The following TYW1 variants were observed in gnomAD, a reference collection of about 807,000 sequenced individuals.
TYW1 encodes the protein tRNA-yW synthesizing protein 1 homolog.
TYW1 carries 46 observed loss-of-function variants against 96.2 expected under a neutral mutation model. The observed-to-expected ratio is 0.48, with a 90% CI of 0.38 to 0.61. The LOEUF is 0.61. TYW1 is among the 20% of genes least tolerant of loss of function. TYW1 has a pLI of 0.00. For synonymous variants in TYW1, 274 were observed against 323.0 expected (o/e 0.85, Z 1.63); for missense variants, 684 against 909.6 (o/e 0.75, Z 3.19).
intron 3 of TYW1, among the ~76,000 whole-genome samples, chr7:67,005,401 A>G (rs1171343352): frequency 6.6e-6 from 1 of 152,136 alleles, no homozygotes; most frequent in African/African-American, 2.4e-5. Flanking sequence ...TTTGAGACCA[A>G]CCTGTGCAAC....
At chr7:67,128,981 G>T (rs562599664) in intron 13 of TYW1, among the ~76,000 whole-genome samples, 9 of 152,122 alleles carry the variant, frequency 5.9e-5, no homozygotes, top group Non-Finnish European at 1.0e-4. Flanking sequence ...GAGCCACCGC[G>T]CCCAGTCTAG....
At chr7:67,160,219 A>C (rs1236526459) in intron 13 of TYW1, among the ~76,000 whole-genome samples, 1 of 152,090 alleles carries the variant, frequency 6.6e-6, no homozygotes, top group Non-Finnish European at 1.5e-5. Context: ...CTGTGATTGC[A>C]CCACTGCACT....
At chr7:67,047,440 A>G (rs1443730600) in intron 7 of TYW1, among the ~76,000 whole-genome samples, 2 of 152,206 alleles carry the variant, frequency 1.3e-5, no homozygotes, top group South Asian at 2.1e-4. Context: ...TTTTATTTGT[A>G]TAAAAGGCCT....
At chr7:67,095,833 CT>C (rs1451306940) in intron 11 of TYW1, among the ~76,000 whole-genome samples, 1 of 152,078 alleles carries the variant, frequency 6.6e-6, no homozygotes, top group Non-Finnish European at 1.5e-5. Context: ...AATAAAATCA[CT>C]TTCTGAAAAC....
intron 13 of TYW1, among the ~76,000 whole-genome samples, chr7:67,144,852 A>G (rs918332896): frequency 3.9e-5 from 6 of 152,118 alleles, no homozygotes; most frequent in African/African-American, 1.4e-4. Context: ...TACAAAGGCA[A>G]CATTTATATT....
intron 13 of TYW1, among the ~76,000 whole-genome samples, chr7:67,128,838 G>A (rs1304294402): frequency 1.4e-4 from 21 of 151,916 alleles, no homozygotes; most frequent in Middle Eastern, 3.4e-3. Context: ...ACAGGCACCC[G>A]CCACCATGCT....
At chr7:67,171,352 C>T (rs1409659297) in intron 13 of TYW1, among the ~76,000 whole-genome samples, 2 of 151,974 alleles carry the variant, frequency 1.3e-5, no homozygotes, top group African/African-American at 2.4e-5. Flanking sequence ...CTTTGTCTCC[C>T]GAGTTGTTTT....
chr7:67,029,429 A>ATG (rs1794597765), intron 7 of TYW1, among the ~76,000 whole-genome samples: 2 of 146,470 alleles, frequency 1.4e-5, no homozygotes, highest in Non-Finnish European at 3.0e-5. Flanking sequence ...ATATATATAT[A>ATG]TATAAATAGT....
chr7:67,211,332 G>A (rs528816596), intron 15 of TYW1, among the ~76,000 whole-genome samples: 1 of 152,286 alleles, frequency 6.6e-6, no homozygotes, highest in South Asian at 2.1e-4. Context: ...GAAACTGTAC[G>A]TATGCTGCCA....
intron 15 of TYW1, among the ~76,000 whole-genome samples, chr7:67,226,228 A>AT (rs1461646256): frequency 6.6e-6 from 1 of 152,174 alleles, no homozygotes; most frequent in Admixed American, 6.6e-5. Flanking sequence ...TAAAACAAAG[A>AT]TGATAATAGC....
At chr7:67,059,291 G>A (rs1330792276) in intron 9 of TYW1, among the ~76,000 whole-genome samples, 11 of 151,228 alleles carry the variant, frequency 7.3e-5, no homozygotes, top group Admixed American at 1.3e-4. Context: ...TTTTAGTAGA[G>A]ACGGGGTTTC....
At chr7:67,020,429 C>T (rs147234035) in intron 6 of TYW1, among the ~76,000 whole-genome samples, 2,245 of 77,106 alleles carry the variant, frequency 0.029, 6 homozygotes, top group Admixed American at 0.055. Context: ...TAGTAGATAC[C>T]GGCTTTCACC....
intron 13 of TYW1, among the ~76,000 whole-genome samples, chr7:67,129,696 A>G (rs1394783575): frequency 1.3e-5 from 2 of 152,224 alleles, no homozygotes; most frequent in Middle Eastern, 3.2e-3. Context: ...GAAGGCTCGT[A>G]GGGGTTAATT....
Position 67,180,405 on chromosome 7 carries a change from T to C in TYW1, c.1699-2721T>C, listed in dbSNP as rs1157015728. Reference sequence around the variant, plus strand: ...GTTGGTTTATATATATATATATATATTTATATATATATATATATAATTTTT... The same window carrying C: ...GTTGGTTTATATATATATATATATACTTATATATATATATATATAATTTTT... On this transcript the variant is annotated intron_variant, in intron 13 of 15. Transcript: ENST00000359626. Among the ~76,000 whole-genome samples the C allele has an allele frequency of 3.0e-5, 2 of 67,200 alleles. 1 individual carries two copies. Among genetic ancestry groups the C allele is most frequent in the Non-Finnish European group, 5.4e-5 (2 of 37,066 alleles). 44.1% of individuals were successfully genotyped at this position (67,200 alleles called of 152,430 possible).
intron 14 of TYW1, among the ~76,000 whole-genome samples, chr7:67,194,701 A>G (rs1479982574): frequency 4.6e-5 from 7 of 150,944 alleles, no homozygotes; most frequent in African/African-American, 1.7e-4. Flanking sequence ...TTCAATCTCA[A>G]TTATACTAGA....
At chr7:67,086,292 C>A (rs1056377255) in intron 11 of TYW1, among the ~76,000 whole-genome samples, 1 of 152,130 alleles carries the variant, frequency 6.6e-6, no homozygotes, top group African/African-American at 2.4e-5. Context: ...TTCCTAGACT[C>A]ATTGTTGGTT....
At chr7:67,106,072 T>A (rs570581143) in intron 12 of TYW1, among the ~76,000 whole-genome samples, 4 of 152,166 alleles carry the variant, frequency 2.6e-5, no homozygotes, top group Admixed American at 1.3e-4. Context: ...TAATTTTGTA[T>A]TTTTAGTAGA....
At chr7:67,090,940 A>T (rs1796695417) in intron 11 of TYW1, among the ~76,000 whole-genome samples, 1 of 152,220 alleles carries the variant, frequency 6.6e-6, no homozygotes, top group African/African-American at 2.4e-5. Flanking sequence ...ATGTGGAGAA[A>T]TAGGAACACT....
rs764188508 is a variant in TYW1, at chr7:67,238,291, C to T, written c.1978-17C>T. On this transcript the variant is annotated splice_polypyrimidine_tract_variant and intron_variant, in intron 15 of 15. Coordinates refer to ENST00000359626, the MANE Select transcript of TYW1 (RefSeq NM_018264.4). ...GGATGTTTTTACTTCTGACTTGACA[C>T]ATTTTTTTCTTTCCAGTTTAAAATT... 6.3e-7 allele frequency: 1 copy of T among 1,590,064 alleles called. No homozygotes were observed. Among genetic ancestry groups the T allele is most frequent in the South Asian group, 1.1e-5 (1 of 87,814 alleles).
Sources: allele counts gnomAD v4.1 joint callset (sites outside exome capture counted in the v4.1 genomes callset), GRCh38; gene constraint gnomAD v4.1.1; transcripts MANE v1.5; gene names NCBI Gene and HGNC (gene_info 2026-07-23, HGNC 2026-07-21).